AUTS2: variants seen among roughly 807,000 people sequenced by gnomAD.
The protein encoded by AUTS2 is activator of transcription and developmental regulator AUTS2.
Under a neutral mutation model 112.4 loss-of-function variants are expected in AUTS2, and 17 were observed. The observed-to-expected ratio is 0.15, with a 90% CI of 0.10 to 0.23. The LOEUF (loss-of-function observed/expected upper bound fraction) is 0.23. Ranked by LOEUF, AUTS2 falls within the 10% of genes least tolerant of loss-of-function variation. AUTS2 has a pLI of 1.00. For missense variants in AUTS2, 1,510 were observed against 1,701.6 expected (o/e 0.89, Z 1.98); for synonymous variants, 751 against 702.7 (o/e 1.07, Z -1.09).
intron 1 of AUTS2, among the ~76,000 whole-genome samples, chr7:69,707,895 G>A (rs1798139992): frequency 6.6e-6 from 1 of 152,142 alleles, no homozygotes; most frequent in Non-Finnish European, 1.5e-5. Flanking sequence ...ATACTTGTTC[G>A]TTCAGTCGTG....
intron 5 of AUTS2, among the ~76,000 whole-genome samples, chr7:70,541,871 A>G (rs1441354045): frequency 1.3e-5 from 2 of 152,238 alleles, no homozygotes; most frequent in Non-Finnish European, 2.9e-5. Flanking sequence ...AGGCAGAACT[A>G]CATATGCAGT....
intron 1 of AUTS2, among the ~76,000 whole-genome samples, chr7:69,690,672 C>T (rs1797297244): frequency 6.6e-6 from 1 of 152,170 alleles, no homozygotes; most frequent in African/African-American, 2.4e-5. Context: ...CTCCAGGAAC[C>T]ACAGAACCCC....
chr7:70,453,739 G>A (rs959392970), intron 5 of AUTS2, among the ~76,000 whole-genome samples: 13 of 152,202 alleles, frequency 8.5e-5, no homozygotes, highest in African/African-American at 2.4e-4. Context: ...TTCCTCTTTC[G>A]TGTGTCTCAT....
chr7:70,213,849 A>C (rs1256152495), intron 4 of AUTS2, among the ~76,000 whole-genome samples: 1 of 152,226 alleles, frequency 6.6e-6, no homozygotes, highest in Non-Finnish European at 1.5e-5. Context: ...TGGCCTTAGC[A>C]AATATTATAA....
chr7:69,754,154 T>C (rs1006176647), intron 1 of AUTS2, among the ~76,000 whole-genome samples: 2 of 152,060 alleles, frequency 1.3e-5, no homozygotes, highest in Non-Finnish European at 2.9e-5. Flanking sequence ...TTAAAGAAGG[T>C]CGGGTTACCA....
At chr7:69,793,740 A>T (rs951968453) in intron 1 of AUTS2, among the ~76,000 whole-genome samples, 2 of 152,106 alleles carry the variant, frequency 1.3e-5, no homozygotes, top group African/African-American at 4.8e-5. Context: ...AGCATTTTTT[A>T]AATGTTTAAA....
In AUTS2 at chr7:70,105,668, AG is replaced by A. The variant is rs111569477; in HGVS notation, c.523-12463del. Among the ~76,000 whole-genome samples the A allele has an allele frequency of 1.6e-3, 242 of 152,312 alleles. 6 individuals are homozygous for A. The highest frequency in any genetic ancestry group is 5.5e-3 in the African/African-American group (228 of 41,556). ...TATACATTAGCACTGTAGCTGCAAG[AG>A]CCAGAAATAAACTCTTCATTTACTG... is the stretch of plus-strand genomic sequence containing the variant. On this transcript the variant is annotated intron_variant, in intron 2 of 18. Coordinates refer to ENST00000342771, the MANE Select transcript of AUTS2 (RefSeq NM_015570.4).
At chr7:70,203,494 A>G (rs1810410072) in intron 4 of AUTS2, among the ~76,000 whole-genome samples, 2 of 150,896 alleles carry the variant, frequency 1.3e-5, no homozygotes, top group South Asian at 4.2e-4. Flanking sequence ...TTGATTAACC[A>G]TATGCATATT....
intron 2 of AUTS2, among the ~76,000 whole-genome samples, chr7:69,985,113 C>A (rs1163803242): frequency 5.3e-5 from 8 of 151,754 alleles, no homozygotes; most frequent in Non-Finnish European, 1.0e-4. Context: ...TTCCTGTAAT[C>A]CCAGCGCTGT....
At chr7:70,591,797 C>A (rs1296670390) in intron 5 of AUTS2, among the ~76,000 whole-genome samples, 1 of 152,192 alleles carries the variant, frequency 6.6e-6, no homozygotes, top group Non-Finnish European at 1.5e-5. Flanking sequence ...TTGCTGGTCT[C>A]TTTTCTCTCA....
chr7:70,457,885 G>A (rs923107061), intron 5 of AUTS2, among the ~76,000 whole-genome samples: 1 of 152,142 alleles, frequency 6.6e-6, no homozygotes, highest in Admixed American at 6.5e-5. Flanking sequence ...TACTTCCTGG[G>A]TGTAGGAAAT....
In AUTS2 at chr7:69,876,343, A is replaced by AT. The variant is rs1793749749; in HGVS notation, c.310-22943_310-22942insT. ...TCTGTCTCAAAAAAAAAAAAAAAAAAAAAAAAATATATATATATATATATA... is the reference window on the plus strand; with the variant it reads ...TCTGTCTCAAAAAAAAAAAAAAAAAATAAAAAAATATATATATATATATATA... On this transcript the variant is annotated intron_variant, in intron 1 of 18. Coordinates refer to ENST00000342771, the MANE Select transcript of AUTS2 (RefSeq NM_015570.4). 1.1e-4 allele frequency among the ~76,000 whole-genome samples: 9 copies of AT among 80,548 alleles called. 1 individual carries two copies. Among genetic ancestry groups the AT allele is most frequent in the Non-Finnish European group, 1.6e-4 (7 of 42,460 alleles). 52.8% of individuals were successfully genotyped at this position (80,548 alleles called of 152,430 possible). A position where few individuals can be genotyped will look rare whatever the true frequency, so the allele number is the denominator to read the frequency against.
chr7:69,788,882 G>T (rs1173286997), intron 1 of AUTS2, among the ~76,000 whole-genome samples: 2 of 152,058 alleles, frequency 1.3e-5, no homozygotes, highest in African/African-American at 4.8e-5. Flanking sequence ...TAGCTGTCCG[G>T]TTCAGCTCTG....
chr7:69,850,565 A>G (rs918562784), intron 1 of AUTS2, among the ~76,000 whole-genome samples: 2 of 152,032 alleles, frequency 1.3e-5, no homozygotes, highest in Non-Finnish European at 2.9e-5. Flanking sequence ...GTGTGTAATG[A>G]TATCTCATTG....
At chr7:69,664,118 C>T (rs1226950385) in intron 1 of AUTS2, among the ~76,000 whole-genome samples, 1 of 152,200 alleles carries the variant, frequency 6.6e-6, no homozygotes, top group African/African-American at 2.4e-5. Context: ...TCACTCCTAG[C>T]CACGTGACAA....
At chr7:70,331,436 C>A (rs1250274336) in intron 4 of AUTS2, among the ~76,000 whole-genome samples, 5 of 151,432 alleles carry the variant, frequency 3.3e-5, no homozygotes, top group Non-Finnish European at 2.9e-5. Context: ...ATTCTTCTCT[C>A]TTTTCTTATT....
At chr7:69,822,465 G>T (rs900102986) in intron 1 of AUTS2, among the ~76,000 whole-genome samples, 3 of 152,144 alleles carry the variant, frequency 2.0e-5, no homozygotes, top group African/African-American at 7.2e-5. Flanking sequence ...AAAAGCAAAA[G>T]ATTTGATTCA....
chr7:69,602,036 A>ATGTGTG (rs1158164179), intron 1 of AUTS2, among the ~76,000 whole-genome samples: 2 of 17,974 alleles, frequency 1.1e-4, no homozygotes, highest in Non-Finnish European at 1.4e-4. Flanking sequence ...ATATATATAT[A>ATGTGTG]TATATGTGTG....
At chr7:70,044,269 A>G (rs1801401958) in intron 2 of AUTS2, among the ~76,000 whole-genome samples, 1 of 152,164 alleles carries the variant, frequency 6.6e-6, no homozygotes. Context: ...CCATAAATCA[A>G]GCCCTGAATT....
Sources: allele counts gnomAD v4.1 joint callset (sites outside exome capture counted in the v4.1 genomes callset), GRCh38; gene constraint gnomAD v4.1.1; transcripts MANE v1.5; gene names NCBI Gene and HGNC (gene_info 2026-07-23, HGNC 2026-07-21).